Variants in UMODL1 observed in about 807,000 individuals in gnomAD.
UMODL1 encodes uromodulin like 1.
In UMODL1, 128 loss-of-function variants were observed where a neutral mutation model predicts 136.3. The ratio of observed to expected loss-of-function variants is 0.94; its 90% confidence interval spans 0.81 to 1.09. The LOEUF is 1.09. Ranked by LOEUF, UMODL1 falls within the 50% of genes least tolerant of loss-of-function variation. UMODL1 has a pLI of 0.00. For missense variants in UMODL1, 1,766 were observed against 1,725.6 expected (o/e 1.02, Z -0.41); for synonymous variants, 721 against 720.0 (o/e 1.00, Z -0.02).
intron 6 of UMODL1, among the ~76,000 whole-genome samples, chr21:42,098,166 C>T (rs888394857): frequency 1.5e-4 from 21 of 139,442 alleles, no homozygotes; most frequent in Non-Finnish European, 2.4e-4. Flanking sequence ...TGACTGTATA[C>T]GGGTCCCCAG....
intron 9 of UMODL1, among the ~76,000 whole-genome samples, chr21:42,108,745 C>T (rs1012545787): frequency 6.6e-6 from 1 of 151,350 alleles, no homozygotes; most frequent in South Asian, 2.1e-4. Context: ...TCATTCCCCT[C>T]AGGCGGGCCC....
Position 42,108,233 on chromosome 21 carries a change from G to A in UMODL1, c.1520-1329G>A, listed in dbSNP as rs571964969. On this transcript the variant is annotated intron_variant, in intron 9 of 22. Transcript: ENST00000408910. ...TTGCCTGGTGCCTCTGCTGTCCTCCGTGGACTGCAGCCCAGCCAGCCTAGG... is the reference window on the plus strand; with the variant it reads ...TTGCCTGGTGCCTCTGCTGTCCTCCATGGACTGCAGCCCAGCCAGCCTAGG... 7.0e-4 allele frequency: 332 copies of A among 472,386 alleles called. 10 individuals carry two copies. The highest frequency in any genetic ancestry group is 4.3e-3 in the South Asian group (277 of 64,580). The allele number at this position is 472,386 out of a possible 1,614,324, so 29.3% of individuals were successfully genotyped here. A position where few individuals can be genotyped will look rare whatever the true frequency, so the allele number is the denominator to read the frequency against.
At chr21:42,121,393 T>A (rs1346021884) in intron 16 of UMODL1, among the ~76,000 whole-genome samples, 169 bp downstream of exon 16, 1 of 152,092 alleles carries the variant, frequency 6.6e-6, no homozygotes, top group African/African-American at 2.4e-5. Context: ...GTGTGATGTA[T>A]GTGTACATGT....
chr21:42,126,592 A>C, intron 18 of UMODL1, 102 bp downstream of exon 18: 1 of 1,538,434 alleles, frequency 6.5e-7, no homozygotes, highest in Non-Finnish European at 8.8e-7. Flanking sequence ...CCCTTCCTTG[A>C]GATGGAATAT....
chr21:42,138,723 G>A (rs2123407139), intron 22 of UMODL1, among the ~76,000 whole-genome samples: 1 of 152,172 alleles, frequency 6.6e-6, no homozygotes, highest in East Asian at 1.9e-4. Context: ...TTACAGGCAT[G>A]CGCCACCACA....
At chr21:42,096,008 T>A (rs557174112) in intron 6 of UMODL1, among the ~76,000 whole-genome samples, 8 of 152,326 alleles carry the variant, frequency 5.3e-5, no homozygotes, top group African/African-American at 1.9e-4. Context: ...CTACCGCTGC[T>A]ATAATGCATG....
At chr21:42,063,908 T>C (rs1036940232) in intron 1 of UMODL1, among the ~76,000 whole-genome samples, 1 of 152,166 alleles carries the variant, frequency 6.6e-6, no homozygotes, top group Non-Finnish European at 1.5e-5. Flanking sequence ...TCTTCCCTTT[T>C]CTCGACACCC....
chr21:42,109,583 G>T lies in UMODL1; in HGVS notation c.1541G>T (p.Ser514Ile). The change falls in exon 10 of 23, where the codon AGC (serine) becomes ATC (isoleucine). Residue 514 changes from serine to isoleucine, a missense_variant. By Grantham distance (142) the Ser-to-Ile change is moderately radical. Coordinates refer to ENST00000408910, the MANE Select transcript of UMODL1 (RefSeq NM_001004416.3). The part of the protein sequence containing the change: ...RVQDWDECVD[S>I]AEHDCSPAAW... ...GCAGACTGGGACGAGTGTGTGGACAGCGCGGAACACGACTGCTCACCGGCT... is the reference window on the plus strand; with the variant it reads ...GCAGACTGGGACGAGTGTGTGGACATCGCGGAACACGACTGCTCACCGGCT... The T allele has an allele frequency of 1.2e-6, 2 of 1,611,730 alleles. No individual in the cohort carries two copies.
In UMODL1 at chr21:42,137,649, C is replaced by A. The variant is rs3819144; in HGVS notation, c.*21+8C>A. 1 of 537,052 alleles carries A rather than the reference C, an allele frequency of 1.9e-6. No individual in the cohort carries two copies. Among genetic ancestry groups the A allele is most frequent in the African/African-American group, 2.7e-5 (1 of 36,720 alleles). 33.3% of individuals were successfully genotyped at this position (537,052 alleles called of 1,614,324 possible). A position where few individuals can be genotyped will look rare whatever the true frequency, so the allele number is the denominator to read the frequency against. On this transcript the variant is annotated splice_region_variant and intron_variant, in intron 22 of 22. Coordinates refer to ENST00000408910, the MANE Select transcript of UMODL1 (RefSeq NM_001004416.3). ...GCGCAGGCTGACAGGAAGGTGGGTG[C>A]GGAGTGGGGTGGGAGGTGCAGGCTG...
In UMODL1 at chr21:42,065,367, G is replaced by A. The variant is rs142481839; in HGVS notation, c.-141+2153G>A. On this transcript the variant is annotated intron_variant, in intron 1 of 22. Coordinates refer to the UMODL1 transcript ENST00000400424. Reference sequence around the variant, plus strand: ...GCCACATGATGATATCCATTACTGGGTGCAGAATGGCCCTGATGGGTCTAG... The same window carrying A: ...GCCACATGATGATATCCATTACTGGATGCAGAATGGCCCTGATGGGTCTAG... Among the ~76,000 whole-genome samples the A allele has an allele frequency of 1.1e-4, 16 of 152,216 alleles. No homozygotes were observed. In the East Asian group the frequency reaches 2.7e-3, roughly 26 times the overall value.
At chr21:42,082,369 G>T (rs1300547936) in intron 2 of UMODL1, among the ~76,000 whole-genome samples, 1 of 152,162 alleles carries the variant, frequency 6.6e-6, no homozygotes, top group Admixed American at 6.5e-5. Context: ...CCCTCGCGGG[G>T]GTGAGTCCAG....
chr21:42,090,232 C>A, intron 5 of UMODL1, 66 bp from the exon 6 acceptor site: 1 of 1,601,272 alleles, frequency 6.2e-7, no homozygotes, highest in Non-Finnish European at 8.5e-7. Context: ...CGTGTGTGTG[C>A]AGGTAGATGA....
rs751956956 is a variant in UMODL1 at position 42,099,041 on chromosome 21, T to C, written c.1047T>C (p.Gly349=). 6.2e-7 allele frequency: 1 copy of C among 1,613,966 alleles called. No individual in the cohort carries two copies. Among genetic ancestry groups the C allele is most frequent in the Non-Finnish European group, 8.5e-7 (1 of 1,179,962 alleles). Residue 349 remains glycine (G), a synonymous_variant, in exon 7 of 23, where the codon GGT becomes GGC. Coordinates refer to ENST00000408910, the MANE Select transcript of UMODL1 (RefSeq NM_001004416.3). This position sits in a 1 kb window ranked among gnomAD's most constrained non-coding sequence, Gnocchi z 4.1. ...CTTTCCATGTCCGGGTTTACCGGGG[T>C]ATGGAGTTGCTCAGGAGCGCCAGGA... is the stretch of plus-strand genomic sequence containing the variant. The part of the protein sequence containing the change: ...NHTFHVRVYR[G]MELLRSARTQ...
At position 42,076,190 on chromosome 21, in the gene UMODL1, A is replaced by G. The variant is rs760000564; in HGVS notation, c.262A>G (p.Arg88Gly). 6.2e-7 allele frequency: 1 copy of G among 1,614,226 alleles called. No homozygotes were observed. Among genetic ancestry groups the G allele is most frequent in the Non-Finnish European group, 8.5e-7 (1 of 1,180,036 alleles). Reference protein sequence around the residue: ...QYLVVEVPESRNVTDCCEGYE... With the variant: ...QYLVVEVPESGNVTDCCEGYE... ...CCTGGTAGTGGAGGTCCCCGAGTCC[A>G]GGAACGTGACTGACTGCTGTGAGGG... The change falls in exon 2 of 23, where the codon AGG (arginine) becomes GGG (glycine). Residue 88 changes from arginine (R) to glycine (G), a missense_variant. Physicochemically the swap from Arg to Gly is moderately radical, Grantham distance 125. Coordinates refer to ENST00000408910, the MANE Select transcript of UMODL1 (RefSeq NM_001004416.3).
intron 20 of UMODL1, among the ~76,000 whole-genome samples, chr21:42,129,500 G>A (rs750934365): frequency 2.6e-5 from 4 of 152,062 alleles, no homozygotes; most frequent in Non-Finnish European, 5.9e-5. Flanking sequence ...TTCCTTCCCC[G>A]CTGACGCCTG....
At chr21:42,094,673 C>T (rs1255073673) in intron 6 of UMODL1, among the ~76,000 whole-genome samples, 2 of 152,094 alleles carry the variant, frequency 1.3e-5, no homozygotes, top group Non-Finnish European at 2.9e-5. Context: ...AGAGAGGAGT[C>T]GGGGGTAGAA....
At chr21:42,136,088 C>T (rs549339712) in intron 21 of UMODL1, among the ~76,000 whole-genome samples, 295 of 152,216 alleles carry the variant, frequency 1.9e-3, no homozygotes, top group African/African-American at 6.6e-3. Context: ...CCCTTGACAA[C>T]GAATTATACC....
rs372507946 is a variant in UMODL1 at position 42,088,396 on chromosome 21, C to A, written c.706C>A (p.Arg236=). ...TVSRLLLGLP[R]PLPVADVSTL... is the part of the protein sequence containing the mutation. ...GTCGCGGCTGCTACTGGGCCTGCCA[C>A]GGCCACTGCCTGTGGCTGACGTCTC... The change falls in exon 5 of 23, where the codon CGG becomes AGG. Residue 236 remains arginine (R), a synonymous_variant. Transcript: ENST00000408910. 1.4e-5 allele frequency: 23 copies of A among 1,614,032 alleles called. No homozygotes were observed. The African/African-American group carries it at 2.8e-4, about 20-fold the overall frequency.
chr21:42,122,205 C>T lies in UMODL1; in HGVS notation c.2828-626C>T, dbSNP rs961801295. 1.3e-5 allele frequency among the ~76,000 whole-genome samples: 2 copies of T among 152,098 alleles called. No homozygotes were observed. Among genetic ancestry groups the T allele is most frequent in the Admixed American group, 6.5e-5 (1 of 15,274 alleles). On this transcript the variant is annotated intron_variant, in intron 16 of 22. Coordinates refer to ENST00000408910, the MANE Select transcript of UMODL1 (RefSeq NM_001004416.3). The surrounding 1 kb of genome is among the most constrained non-coding windows in gnomAD (Gnocchi z 4.3). Reference sequence around the variant, plus strand: ...GCTGAAGGAGGGTGGAGGGCACGTGCGGAGCTGTGTCTGGGGTCTGCTTCC... The same window carrying T: ...GCTGAAGGAGGGTGGAGGGCACGTGTGGAGCTGTGTCTGGGGTCTGCTTCC...
Sources: gnomAD v4.1 joint callset for allele counts (sites outside exome capture counted in the v4.1 genomes callset) on GRCh38, gnomAD v4.1.1 for gene constraint, Gnocchi (gnomAD v3.1) non-coding constraint, MANE v1.5 for transcripts, NCBI Gene and HGNC (gene_info 2026-07-23, HGNC 2026-07-21) for gene names.